IMMP2L: variants seen among roughly 807,000 people sequenced by gnomAD.
The protein encoded by IMMP2L is mitochondrial inner membrane protease subunit 2.
In IMMP2L, 18 loss-of-function variants were observed where a neutral mutation model predicts 19.3. The ratio of observed to expected loss-of-function variants is 0.93; its 90% CI spans 0.64 to 1.38. The LOEUF is 1.38. IMMP2L is among the 40% of genes most tolerant of loss of function. The pLI is 0.00. For missense variants in IMMP2L, 233 were observed against 218.2 expected, an observed-to-expected ratio of 1.07 and a Z score of -0.43; for synonymous variants, 76 against 73.0, an observed-to-expected ratio of 1.04 and a Z score of -0.21.
At chr7:110,680,036 C>T (rs1792598147) in intron 5 of IMMP2L, among the ~76,000 whole-genome samples, 1 of 152,162 alleles carries the variant, frequency 6.6e-6, no homozygotes, top group African/African-American at 2.4e-5. Flanking sequence ...GAACAATATT[C>T]ACACATTACG....
chr7:110,788,791 C>T (rs1211992798), intron 5 of IMMP2L, among the ~76,000 whole-genome samples: 2 of 151,750 alleles, frequency 1.3e-5, no homozygotes, highest in Non-Finnish European at 2.9e-5. Context: ...TCCCATCTTG[C>T]TTGCTCTTCT....
At chr7:111,556,336 T>A (rs924235093) in intron 1 of IMMP2L, among the ~76,000 whole-genome samples, 1 of 152,062 alleles carries the variant, frequency 6.6e-6, no homozygotes, top group Non-Finnish European at 1.5e-5. Context: ...TGGATAACTA[T>A]GTAAGATGAT....
intron 5 of IMMP2L, among the ~76,000 whole-genome samples, chr7:110,875,249 G>GGATA (rs757134772): frequency 6.6e-6 from 1 of 152,100 alleles, no homozygotes; most frequent in South Asian, 2.1e-4. Context: ...AGTCAGTGCA[G>GGATA]GATAACACAT....
intron 5 of IMMP2L, among the ~76,000 whole-genome samples, chr7:110,700,295 G>A (rs1305651302): frequency 6.6e-6 from 1 of 152,076 alleles, no homozygotes; most frequent in African/African-American, 2.4e-5. Context: ...TCACTTAATT[G>A]AAGCCATTCT....
At chr7:110,805,177 T>C (rs762186858) in intron 5 of IMMP2L, among the ~76,000 whole-genome samples, 78 of 152,172 alleles carry the variant, frequency 5.1e-4, no homozygotes, top group Middle Eastern at 6.8e-3. Flanking sequence ...ACAAAGGTGC[T>C]CAAGAAGTGT....
intron 3 of IMMP2L, among the ~76,000 whole-genome samples, chr7:111,299,563 A>C (rs1821989828): frequency 7.2e-6 from 1 of 138,048 alleles, no homozygotes; most frequent in Non-Finnish European, 1.5e-5. Context: ...CTTTAAAGGT[A>C]GCTGAAGCAG....
chr7:111,321,935 T>TTA (rs1824760686), intron 3 of IMMP2L, among the ~76,000 whole-genome samples: 1 of 151,946 alleles, frequency 6.6e-6, no homozygotes, highest in Non-Finnish European at 1.5e-5. Context: ...ACACCTTGAG[T>TTA]TATGATACAA....
intron 5 of IMMP2L, among the ~76,000 whole-genome samples, chr7:110,681,371 G>A (rs1339191505): frequency 3.3e-5 from 5 of 151,964 alleles, no homozygotes; most frequent in Admixed American, 3.3e-4. Context: ...TTTACCCTAG[G>A]GAAAAGTGAG....
Position 111,308,207 on chromosome 7 carries a change from T to C in IMMP2L, c.239+179031A>G, listed in dbSNP as rs989786638. On this transcript the variant is annotated intron_variant, in intron 3 of 5. Transcript: ENST00000405709. ...CTGGCAGTACCCTATCTCACAGATA[T>C]ATTGTGACAAAATCTTACTATTAAT... 2.6e-5 allele frequency among the ~76,000 whole-genome samples: 4 copies of C among 152,020 alleles called. No individual in the cohort carries two copies. In the East Asian group the frequency reaches 5.8e-4, roughly 22 times the overall value.
chr7:111,533,270 C>T (rs1197537477), intron 1 of IMMP2L, among the ~76,000 whole-genome samples: 1 of 152,122 alleles, frequency 6.6e-6, no homozygotes, highest in Non-Finnish European at 1.5e-5. Flanking sequence ...TTAGATTATT[C>T]TCCACTCTTA....
At chr7:111,333,808 C>A (rs1363911942) in intron 3 of IMMP2L, among the ~76,000 whole-genome samples, 3 of 152,090 alleles carry the variant, frequency 2.0e-5, no homozygotes, top group African/African-American at 4.8e-5. Flanking sequence ...AAGTTCTTCA[C>A]CTTTGTAATT....
intron 3 of IMMP2L, among the ~76,000 whole-genome samples, chr7:111,004,358 T>C (rs1487610373): frequency 6.6e-6 from 1 of 151,864 alleles, no homozygotes; most frequent in Non-Finnish European, 1.5e-5. Flanking sequence ...AGAAATAGGG[T>C]TTTTCTGTGT....
intron 2 of IMMP2L, among the ~76,000 whole-genome samples, chr7:111,520,383 A>G (rs1846222562): frequency 6.6e-6 from 1 of 152,116 alleles, no homozygotes; most frequent in Admixed American, 6.6e-5. Flanking sequence ...CAAAGAAGCT[A>G]AAGGATTTCC....
At chr7:111,009,566 T>G (rs1034574135) in intron 3 of IMMP2L, among the ~76,000 whole-genome samples, 12 of 152,098 alleles carry the variant, frequency 7.9e-5, no homozygotes, top group Non-Finnish European at 1.5e-4. Flanking sequence ...AGTTGAAATA[T>G]TCCCATTTTA....
chr7:110,866,299 A>G (rs915615958), intron 5 of IMMP2L, among the ~76,000 whole-genome samples: 29 of 152,114 alleles, frequency 1.9e-4, no homozygotes, highest in African/African-American at 6.7e-4. Context: ...GAATAATCGC[A>G]TAAAATCTGG....
intron 1 of IMMP2L, among the ~76,000 whole-genome samples, chr7:111,539,739 C>T (rs537900228): frequency 3.3e-5 from 5 of 152,012 alleles, no homozygotes; most frequent in Admixed American, 3.3e-4. Context: ...AAAAACACTG[C>T]CTTAAAGAAT....
intron 5 of IMMP2L, among the ~76,000 whole-genome samples, chr7:110,876,277 A>G (rs1809056574): frequency 6.6e-6 from 1 of 151,620 alleles, no homozygotes; most frequent in African/African-American, 2.4e-5. Flanking sequence ...CTTTTGAAAC[A>G]TGCGAGAACT....
At chr7:111,502,310 G>A (rs1187240029) in intron 2 of IMMP2L, among the ~76,000 whole-genome samples, 15 of 151,954 alleles carry the variant, frequency 9.9e-5, no homozygotes, top group Non-Finnish European at 1.5e-4. Context: ...GAGCACCCAG[G>A]TTCATAAAGC....
At chr7:111,447,897 G>A (rs1240474933) in intron 3 of IMMP2L, among the ~76,000 whole-genome samples, 1 of 148,916 alleles carries the variant, frequency 6.7e-6, no homozygotes, top group Non-Finnish European at 1.5e-5. Flanking sequence ...AAAAAGGCAG[G>A]GGTTGCAATC....
Sources: gnomAD v4.1 joint callset for allele counts (sites outside exome capture counted in the v4.1 genomes callset) on GRCh38, gnomAD v4.1.1 for gene constraint, MANE v1.5 for transcripts, NCBI Gene and HGNC (gene_info 2026-07-23, HGNC 2026-07-21) for gene names.